ASTN2: variants seen among roughly 807,000 people sequenced by gnomAD.
ASTN2 encodes astrotactin 2, also known as astrotactin-2.
In ASTN2, 54 loss-of-function variants were observed where a neutral mutation model predicts 139.8. That is an observed-to-expected ratio of 0.39 (90% CI 0.31 to 0.48). The LOEUF (loss-of-function observed/expected upper bound fraction) is 0.48. ASTN2 is among the 20% of genes least tolerant of loss of function. The pLI is 0.95. For missense variants in ASTN2, 1,565 were observed against 1,725.1 expected (o/e 0.91, Z 1.64); for synonymous variants, 756 against 719.5 (o/e 1.05, Z -0.81).
intron 3 of ASTN2, among the ~76,000 whole-genome samples, chr9:117,156,115 G>T (rs1288081477): frequency 6.6e-6 from 1 of 152,030 alleles, no homozygotes; most frequent in East Asian, 1.9e-4. Flanking sequence ...AAGGGCTATA[G>T]TACTAGCACC....
chr9:116,452,429 T>A (rs1190651188), intron 20 of ASTN2, among the ~76,000 whole-genome samples: 1 of 152,220 alleles, frequency 6.6e-6, no homozygotes, highest in Non-Finnish European at 1.5e-5. Context: ...TCTCTGCACC[T>A]CAGTGGCCTG....
At chr9:116,900,061 G>A (rs1833969254) in intron 10 of ASTN2, among the ~76,000 whole-genome samples, 1 of 152,096 alleles carries the variant, frequency 6.6e-6, no homozygotes, top group Non-Finnish European at 1.5e-5. Context: ...AAAAACCTTA[G>A]CCTCCAAATT....
intron 5 of ASTN2, among the ~76,000 whole-genome samples, chr9:117,084,686 G>A (rs1326473114): frequency 6.6e-6 from 1 of 152,208 alleles, no homozygotes; most frequent in African/African-American, 2.4e-5. Context: ...GGTTATCTAA[G>A]TTCCAGGCTT....
intron 20 of ASTN2, among the ~76,000 whole-genome samples, chr9:116,465,965 A>ACTTT (rs113551441): frequency 0.064 from 8,611 of 134,090 alleles, 715 homozygotes; most frequent in South Asian, 0.25. Flanking sequence ...CTTTCTCCAT[A>ACTTT]CTTTATTTTA....
At chr9:117,273,512 C>T (rs1834113978) in intron 2 of ASTN2, among the ~76,000 whole-genome samples, 1 of 151,978 alleles carries the variant, frequency 6.6e-6, no homozygotes, top group Non-Finnish European at 1.5e-5. Flanking sequence ...GTGTTTAGTG[C>T]TATTCTTGGG....
At chr9:116,570,304 C>T (rs181966247) in intron 19 of ASTN2, among the ~76,000 whole-genome samples, 242 of 152,304 alleles carry the variant, frequency 1.6e-3, no homozygotes, top group Non-Finnish European at 3.0e-3. Context: ...TATATATTTA[C>T]TTAACCCTTT....
intron 11 of ASTN2, among the ~76,000 whole-genome samples, chr9:116,853,278 C>G (rs773853504): frequency 6.6e-6 from 1 of 151,394 alleles, no homozygotes; most frequent in Non-Finnish European, 1.5e-5. Flanking sequence ...TTTAGAAAAC[C>G]AAAAAAAATT....
At chr9:117,149,932 G>A (rs1392861975) in intron 3 of ASTN2, among the ~76,000 whole-genome samples, 1 of 152,096 alleles carries the variant, frequency 6.6e-6, no homozygotes, top group Non-Finnish European at 1.5e-5. Flanking sequence ...TTATCTTCAA[G>A]CAAGCGTCTG....
At chr9:116,510,266 C>T (rs1199780696) in intron 19 of ASTN2, among the ~76,000 whole-genome samples, 1 of 152,160 alleles carries the variant, frequency 6.6e-6, no homozygotes, top group African/African-American at 2.4e-5. Flanking sequence ...AATAGGGAAT[C>T]CTTTCCCCAT....
intron 3 of ASTN2, among the ~76,000 whole-genome samples, chr9:117,153,161 A>C (rs902084157): frequency 1.2e-4 from 18 of 151,918 alleles, no homozygotes; most frequent in African/African-American, 4.4e-4. Context: ...TTCAAGAAGC[A>C]TCACATATTT....
chr9:117,346,757 T>A (rs1829232351), intron 1 of ASTN2, among the ~76,000 whole-genome samples: 1 of 152,164 alleles, frequency 6.6e-6, no homozygotes. Context: ...GTGATACATA[T>A]GATACATGGG....
chr9:117,078,848 G>A (rs1465495806), intron 5 of ASTN2, among the ~76,000 whole-genome samples: 1 of 152,140 alleles, frequency 6.6e-6, no homozygotes, highest in African/African-American at 2.4e-5. Flanking sequence ...TGATTCTCCT[G>A]CCTCGGCCTC....
intron 10 of ASTN2, among the ~76,000 whole-genome samples, chr9:116,920,122 T>A (rs557807995): frequency 1.3e-5 from 2 of 152,104 alleles, no homozygotes; most frequent in African/African-American, 4.8e-5. Flanking sequence ...TTGGATTAGA[T>A]GCTCTCTAAA....
At chr9:116,643,767 C>T (rs543046685) in intron 17 of ASTN2, among the ~76,000 whole-genome samples, 1 of 152,292 alleles carries the variant, frequency 6.6e-6, no homozygotes, top group East Asian at 1.9e-4. Context: ...TACTATGTGC[C>T]CATATCCACC....
intron 16 of ASTN2, among the ~76,000 whole-genome samples, chr9:116,656,734 GAGGGCAGCC>G (rs1306979282): frequency 6.6e-6 from 1 of 150,972 alleles, no homozygotes; most frequent in African/African-American, 2.4e-5. Flanking sequence ...TCCTTGTTGG[GAGGGCAGCC>G]AGGGCTTTTC....
intron 1 of ASTN2, among the ~76,000 whole-genome samples, chr9:117,367,834 T>C (rs1246007838): frequency 1.3e-5 from 2 of 152,180 alleles, no homozygotes; most frequent in Non-Finnish European, 1.5e-5. Flanking sequence ...GTTAGAATCA[T>C]AGAAACCTGG....
At chr9:116,929,734 C>A (rs1296668134) in intron 10 of ASTN2, among the ~76,000 whole-genome samples, 2 of 152,174 alleles carry the variant, frequency 1.3e-5, no homozygotes, top group African/African-American at 2.4e-5. Flanking sequence ...TTCGCTCCAG[C>A]AATTTCACAT....
At chr9:117,072,829 T>G (rs1828171007) in intron 5 of ASTN2, among the ~76,000 whole-genome samples, 1 of 152,212 alleles carries the variant, frequency 6.6e-6, no homozygotes, top group African/African-American at 2.4e-5. Flanking sequence ...AACCTTTGAC[T>G]TCTAATTCAG....
At position 116,444,002 on chromosome 9, in the gene ASTN2, A is replaced by G. The variant is rs117086990; in HGVS notation, c.3498-1449T>C. ...AAGTTGGTGATACAAATTAATTATT[A>G]TGTGCTAAGACCCTAATATGTGTCA... On this transcript the variant is annotated intron_variant, in intron 20 of 22. Coordinates refer to ENST00000313400, the MANE Select transcript of ASTN2 (RefSeq NM_001365068.1). Among the ~76,000 whole-genome samples, 639 of 152,312 alleles carry G rather than the reference A, an allele frequency of 4.2e-3. 1 individual carries two copies. Among genetic ancestry groups the G allele is most frequent in the Admixed American group, 9.1e-3 (139 of 15,294 alleles).
Sources: gnomAD v4.1 joint callset for allele counts (sites outside exome capture counted in the v4.1 genomes callset) on GRCh38, gnomAD v4.1.1 for gene constraint, MANE v1.5 for transcripts, NCBI Gene and HGNC (gene_info 2026-07-23, HGNC 2026-07-21) for gene names.